Variants in PRKN observed in about 807,000 individuals in gnomAD.
PRKN encodes the protein parkin RBR E3 ubiquitin protein ligase, also known as E3 ubiquitin-protein ligase parkin.
In PRKN, 56 loss-of-function variants were observed where a neutral mutation model predicts 59.5. The observed-to-expected ratio is 0.94, with a 90% CI of 0.76 to 1.18. PRKN has a LOEUF of 1.18. PRKN is among the 50% of genes most tolerant of loss of function. The pLI is 0.00. For synonymous variants in PRKN, 250 were observed against 222.1 expected (o/e 1.13, Z -1.12); for missense variants, 657 against 596.4 (o/e 1.10, Z -1.06).
At chr6:161,873,485 A>C (rs572288262) in intron 6 of PRKN, among the ~76,000 whole-genome samples, 46 of 150,942 alleles carry the variant, frequency 3.0e-4, no homozygotes, top group Non-Finnish European at 5.4e-4. Flanking sequence ...ATCGGACTCG[A>C]GAAATTCCGA....
chr6:161,471,513 G>A lies in PRKN; in HGVS notation c.1083+77341C>T, dbSNP rs1405625771. Among the ~76,000 whole-genome samples, 3 of 152,092 alleles carry A rather than the reference G, an allele frequency of 2.0e-5. No homozygotes were observed. The highest frequency in any genetic ancestry group is 2.0e-4 in the Admixed American group (3 of 15,270). On this transcript the variant is annotated intron_variant, in intron 9 of 11. Transcript: ENST00000366898. The surrounding 1 kb of genome is among the most constrained non-coding windows in gnomAD (Gnocchi z 4.5). ...GAAAAAGAAAGAAATGGAGAAATAT[G>A]GATTGGGTAATGAAGAATGTATCCT...
intron 6 of PRKN, among the ~76,000 whole-genome samples, chr6:161,910,259 T>C (rs1339688203): frequency 2.6e-5 from 4 of 152,134 alleles, no homozygotes; most frequent in Non-Finnish European, 5.9e-5. Context: ...TTTTTGTTTG[T>C]TTGTTTGTTT....
In PRKN at chr6:162,405,288, T is replaced by A. The variant is rs541981819; in HGVS notation, c.171+38022A>T. On this transcript the variant is annotated intron_variant, in intron 2 of 11. Coordinates refer to ENST00000366898, the MANE Select transcript of PRKN (RefSeq NM_004562.3). ...CAGATCTTACAAAAGAGAAACAACT[T>A]CCCGAAAACATGCCTATGTCCAGTC... Among the ~76,000 whole-genome samples, 11 of 152,238 alleles carry A rather than the reference T, an allele frequency of 7.2e-5. No individual in the cohort carries two copies. The South Asian group carries it at 2.3e-3, about 32-fold the overall frequency.
chr6:162,341,156 A>C (rs536054977), intron 2 of PRKN, among the ~76,000 whole-genome samples: 2 of 152,336 alleles, frequency 1.3e-5, no homozygotes, highest in Admixed American at 1.3e-4. Context: ...ATATGAAAAA[A>C]AGCTCATCAT....
intron 1 of PRKN, among the ~76,000 whole-genome samples, chr6:162,588,291 G>A (rs1014526902): frequency 6.6e-6 from 1 of 151,472 alleles, no homozygotes; most frequent in African/African-American, 2.4e-5. Flanking sequence ...GATTAGAGGT[G>A]TGCACCGCGG....
intron 1 of PRKN, among the ~76,000 whole-genome samples, chr6:162,687,342 C>T (rs1400237654): frequency 6.6e-6 from 1 of 151,880 alleles, no homozygotes; most frequent in Non-Finnish European, 1.5e-5. Flanking sequence ...CTCACCACCA[C>T]ACCCGGCTAA....
chr6:162,082,896 C>A (rs1429409856), intron 4 of PRKN, among the ~76,000 whole-genome samples: 1 of 152,022 alleles, frequency 6.6e-6, no homozygotes, highest in Non-Finnish European at 1.5e-5. Context: ...TCATGGTATT[C>A]TAAAACTATT....
intron 6 of PRKN, among the ~76,000 whole-genome samples, chr6:161,894,431 T>G (rs77326043): frequency 0.015 from 2,349 of 152,324 alleles, 61 homozygotes; most frequent in African/African-American, 0.054. Flanking sequence ...TTTTCAGCAG[T>G]TTTCCATTCC....
chr6:162,033,466 C>T (rs2128279782), intron 5 of PRKN, among the ~76,000 whole-genome samples: 1 of 152,144 alleles, frequency 6.6e-6, no homozygotes, highest in East Asian at 1.9e-4. Flanking sequence ...ATATATGTGC[C>T]TTAGTTATAA....
Position 161,444,519 on chromosome 6 carries a change from A to G in PRKN, c.1084-57642T>C, listed in dbSNP as rs553906577. On this transcript the variant is annotated intron_variant, in intron 9 of 11. Coordinates refer to ENST00000366898, the MANE Select transcript of PRKN (RefSeq NM_004562.3). This position sits in a 1 kb window ranked among gnomAD's most constrained non-coding sequence, Gnocchi z 5.6. ...CGCTTGGGGTGCTTGCCATGCTCCA[A>G]GAAGTCCCTGCAGCCCCTGGTTAGT... is the stretch of plus-strand genomic sequence containing the variant. Among the ~76,000 whole-genome samples the G allele has an allele frequency of 6.6e-6, 1 of 152,352 alleles. No individual in the cohort carries two copies. The highest frequency in any genetic ancestry group is 2.1e-4 in the South Asian group (1 of 4,822).
At chr6:162,182,996 C>T (rs887444346) in intron 4 of PRKN, among the ~76,000 whole-genome samples, 17 of 151,524 alleles carry the variant, frequency 1.1e-4, no homozygotes, top group African/African-American at 1.5e-4. Context: ...GCTTTTCTGC[C>T]GATTTGAAGA....
chr6:162,060,964 A>G (rs1300728486), intron 4 of PRKN, among the ~76,000 whole-genome samples: 3 of 152,218 alleles, frequency 2.0e-5, no homozygotes, highest in African/African-American at 7.2e-5. Flanking sequence ...TAATTTTGTA[A>G]ATCATACTAA....
intron 1 of PRKN, among the ~76,000 whole-genome samples, chr6:162,611,915 G>A (rs541099746): frequency 2.6e-4 from 40 of 152,226 alleles, no homozygotes; most frequent in Non-Finnish European, 4.0e-4. Context: ...GCGGGGCGTG[G>A]TGGCTCACGC....
chr6:162,196,241 T>G (rs1034797216), intron 4 of PRKN, among the ~76,000 whole-genome samples: 3 of 152,148 alleles, frequency 2.0e-5, no homozygotes, highest in African/African-American at 4.8e-5. Flanking sequence ...GACTTACCAT[T>G]GCCATGGAGT....
chr6:161,960,731 A>G (rs535252904), intron 6 of PRKN, among the ~76,000 whole-genome samples: 1 of 152,208 alleles, frequency 6.6e-6, no homozygotes, highest in Non-Finnish European at 1.5e-5. Context: ...CAGAAAGTCA[A>G]TCTGTCTTGC....
intron 9 of PRKN, among the ~76,000 whole-genome samples, chr6:161,453,829 A>AGTAT (rs1174608354): frequency 6.9e-6 from 1 of 145,756 alleles, no homozygotes; most frequent in Admixed American, 7.1e-5. Context: ...CTTTATGATT[A>AGTAT]CCCTTTCTGG....
At chr6:162,512,096 G>T (rs1272118489) in intron 1 of PRKN, among the ~76,000 whole-genome samples, 1 of 138,818 alleles carries the variant, frequency 7.2e-6, no homozygotes, top group Non-Finnish European at 1.7e-5. Context: ...AATGGATTAG[G>T]ATTCTTAGAC....
At chr6:162,198,539 T>C (rs555035688) in intron 4 of PRKN, among the ~76,000 whole-genome samples, 3 of 152,226 alleles carry the variant, frequency 2.0e-5, no homozygotes, top group East Asian at 3.9e-4. Context: ...TAAATATTTA[T>C]GTTCTGGCTA....
At chr6:161,430,471 C>G (rs1271044021) in intron 9 of PRKN, among the ~76,000 whole-genome samples, 1 of 152,180 alleles carries the variant, frequency 6.6e-6, no homozygotes, top group African/African-American at 2.4e-5. Flanking sequence ...AGTAAATGCA[C>G]TGCTCTTGGG....
Sources: gnomAD v4.1 joint callset for allele counts (sites outside exome capture counted in the v4.1 genomes callset) on GRCh38, gnomAD v4.1.1 for gene constraint, Gnocchi (gnomAD v3.1) non-coding constraint, MANE v1.5 for transcripts, NCBI Gene and HGNC (gene_info 2026-07-23, HGNC 2026-07-21) for gene names.